The following PCDHB14 variants were observed in gnomAD, a reference collection of about 807,000 sequenced individuals.
PCDHB14 encodes protocadherin beta 14.
For missense variants in PCDHB14, 1,129 were observed against 1,000.5 expected (o/e 1.13, Z -1.73); for synonymous variants, 511 against 441.5 (o/e 1.16, Z -1.97).
Position 141,225,897 on chromosome 5 carries a change from C to T in PCDHB14, c.2392C>T (p.Gln798Ter), listed in dbSNP as rs1754851087. Residue 798 changes from glutamine to a stop codon, truncating the protein, a stop_gained, in exon 1 of 1, where the codon CAA (glutamine) becomes TAA (stop). Transcript: ENST00000239449. LOFTEE classifies it high-confidence loss of function. ...TCGAAATAGCTTTGGACTTAACATT[C>T]AATAAAACAATTTATTTTAAATGTC... ...NFRNSFGLNI[Q>*] 1.3e-6 allele frequency: 2 copies of T among 1,594,714 alleles called. No individual in the cohort carries two copies. Among genetic ancestry groups the T allele is most frequent in the Non-Finnish European group, 1.7e-6 (2 of 1,170,502 alleles).
rs1554288947 is a variant in PCDHB14, at chr5:141,223,423, G to T, written c.-83G>T. ...CTGCTGGAGGATACACTCTCCAGGG[G>T]GTTCCTGTTAAAAACCAGAGCTTCA... On this transcript the variant is annotated 5_prime_UTR_variant, in exon 1 of 1. Coordinates refer to ENST00000239449, the MANE Select transcript of PCDHB14 (RefSeq NM_018934.4). 6.2e-6 allele frequency: 6 copies of T among 970,558 alleles called. No homozygotes were observed. The highest frequency in any genetic ancestry group is 4.4e-5 in the Admixed American group (2 of 45,970). The allele number at this position is 970,558 out of a possible 1,614,324, so 60.1% of individuals were successfully genotyped here. A position where few individuals can be genotyped will look rare whatever the true frequency, so the allele number is the denominator to read the frequency against.
chr5:141,225,725 C>T lies in PCDHB14; in HGVS notation c.2220C>T (p.Ser740=), dbSNP rs782503262. The change falls in exon 1 of 1, where the codon AGC becomes AGT. Residue 740 remains serine (S), a synonymous_variant. Coordinates refer to ENST00000239449, the MANE Select transcript of PCDHB14 (RefSeq NM_018934.4). ...GPFPGHLVDV[S]GTGTLSQSYQ... ...TTCCAGGGCATCTGGTGGACGTGAG[C>T]GGCACCGGGACCCTGTCCCAGAGCT... 4 of 1,614,072 alleles carry T rather than the reference C, an allele frequency of 2.5e-6. No individual in the cohort carries two copies. Among genetic ancestry groups the T allele is most frequent in the African/African-American group, 1.3e-5 (1 of 74,936 alleles).
chr5:141,224,911 A>T lies in PCDHB14; in HGVS notation c.1406A>T (p.His469Leu), dbSNP rs1554289276. Residue 469 changes from histidine to leucine, a missense_variant, in exon 1 of 1, where the codon CAC (histidine) becomes CTC (leucine). Physicochemically the swap from His to Leu is moderately conservative, Grantham distance 99. Coordinates refer to ENST00000239449, the MANE Select transcript of PCDHB14 (RefSeq NM_018934.4). Reference protein sequence around the residue: ...FVRENNSPALHIGSVSATDRD... With the variant: ...FVRENNSPALLIGSVSATDRD... The stretch of plus-strand genomic sequence containing the variant: ...CGCGAGAACAACAGCCCCGCCCTGC[A>T]CATCGGCAGCGTCAGCGCCACAGAC... 1 of 1,613,046 alleles carries T rather than the reference A, an allele frequency of 6.2e-7. No individual in the cohort carries two copies. The highest frequency in any genetic ancestry group is 1.1e-5 in the South Asian group (1 of 91,012).
Position 141,224,276 on chromosome 5 carries a change from T to C in PCDHB14, c.771T>C (p.Leu257=). 2 of 1,614,072 alleles carry C rather than the reference T, an allele frequency of 1.2e-6. No individual in the cohort carries two copies. Among genetic ancestry groups the C allele is most frequent in the Non-Finnish European group, 1.7e-6 (2 of 1,179,968 alleles). The change falls in exon 1 of 1, where the codon CTT becomes CTC. Residue 257 remains leucine (L), a synonymous_variant. Coordinates refer to ENST00000239449, the MANE Select transcript of PCDHB14 (RefSeq NM_018934.4). The part of the protein sequence containing the change: ...YEVQVPEDRP[L]GSWIATISAK... The stretch of plus-strand genomic sequence containing the variant: ...TGCAAGTCCCCGAGGACAGACCCCT[T>C]GGCTCCTGGATTGCCACCATCTCAG...
Position 141,227,249 on chromosome 5 carries a change from A to G in PCDHB14, c.*1347A>G, listed in dbSNP as rs782796009. The G allele has an allele frequency of 2.6e-5, 4 of 152,366 alleles. No individual in the cohort carries two copies. The highest frequency in any genetic ancestry group is 6.5e-5 in the Admixed American group (1 of 15,312). 9.4% of individuals were successfully genotyped at this position (152,366 alleles called of 1,614,324 possible). ...AATAGCCTTCCATCAGATGAGTACA[A>G]AGCAAGAACTTCATAAGAAATTGAA... On this transcript the variant is annotated 3_prime_UTR_variant, in exon 1 of 1. Coordinates refer to ENST00000239449, the MANE Select transcript of PCDHB14 (RefSeq NM_018934.4).
Position 141,225,863 on chromosome 5 carries a change from C to T in PCDHB14, c.2358C>T (p.Ile786=), listed in dbSNP as rs781875856. The part of the protein sequence containing the change: ...VHDTGRNMGE[I]ENFRNSFGLN... ...ACACTGGTAGGAATATGGGGGAAATCGAGAACTTTCGAAATAGCTTTGGAC... is the reference window on the plus strand; with the variant it reads ...ACACTGGTAGGAATATGGGGGAAATTGAGAACTTTCGAAATAGCTTTGGAC... The change falls in exon 1 of 1, where the codon ATC becomes ATT. Residue 786 remains isoleucine, a synonymous_variant. Coordinates refer to ENST00000239449, the MANE Select transcript of PCDHB14 (RefSeq NM_018934.4). 1.2e-6 allele frequency: 2 copies of T among 1,613,856 alleles called. No homozygotes were observed. Among genetic ancestry groups the T allele is most frequent in the African/African-American group, 2.7e-5 (2 of 75,042 alleles).
In PCDHB14 at chr5:141,226,753, G is replaced by T. The variant is rs1453342955; in HGVS notation, c.*851G>T. 2.0e-5 allele frequency: 3 copies of T among 151,968 alleles called. No individual in the cohort carries two copies. The highest frequency in any genetic ancestry group is 2.9e-5 in the Non-Finnish European group (2 of 67,982). 9.4% of individuals were successfully genotyped at this position (151,968 alleles called of 1,614,324 possible). A position where few individuals can be genotyped will look rare whatever the true frequency, so the allele number is the denominator to read the frequency against. ...TGGCTAATTCTTTTGTATTTTTTTT[G>T]TACAGATGGAATCTTGCCATGTTTC... On this transcript the variant is annotated 3_prime_UTR_variant, in exon 1 of 1. Coordinates refer to ENST00000239449, the MANE Select transcript of PCDHB14 (RefSeq NM_018934.4).
Position 141,225,818 on chromosome 5 carries a change from C to T in PCDHB14, c.2313C>T (p.Ile771=), listed in dbSNP as rs138735239. ...TNEFKFLKPI[I]PNFQVHDTGR... Reference sequence around the variant, plus strand: ...AGTTCAAATTTCTGAAGCCGATTATCCCCAATTTTCAAGTTCATGACACTG... The same window carrying T: ...AGTTCAAATTTCTGAAGCCGATTATTCCCAATTTTCAAGTTCATGACACTG... Residue 771 remains isoleucine (I), a synonymous_variant, in exon 1 of 1, where the codon ATC becomes ATT. Coordinates refer to ENST00000239449, the MANE Select transcript of PCDHB14 (RefSeq NM_018934.4). The T allele has an allele frequency of 9.5e-5, 153 of 1,614,188 alleles. 1 individual carries two copies. In the East Asian group the frequency reaches 2.8e-3, roughly 29 times the overall value.
Position 141,224,156 on chromosome 5 carries a change from T to C in PCDHB14, c.651T>C (p.Gly217=). ...GATTAACACTCACAGCAGTGGATGG[T>C]GGATCCCCGCCCAAGTCTGGGACAA... ...ELRLTLTAVD[G]GSPPKSGTTL... is the part of the protein sequence containing the mutation. The change falls in exon 1 of 1, where the codon GGT becomes GGC. Residue 217 remains glycine (G), a synonymous_variant. Coordinates refer to ENST00000239449, the MANE Select transcript of PCDHB14 (RefSeq NM_018934.4). 1.9e-6 allele frequency: 3 copies of C among 1,614,032 alleles called. No homozygotes were observed. Among genetic ancestry groups the C allele is most frequent in the Non-Finnish European group, 2.5e-6 (3 of 1,180,034 alleles).
chr5:141,223,784 C>T lies in PCDHB14; in HGVS notation c.279C>T (p.Asp93=), dbSNP rs1476179647. 1.2e-6 allele frequency: 2 copies of T among 1,613,756 alleles called. No individual in the cohort carries two copies. The highest frequency in any genetic ancestry group is 2.2e-5 in the East Asian group (1 of 44,872). ...TCCTAAATGAGAAACTAGACCGAGA[C>T]GAGCTGTGTGGCTCCACCGAGCCCT... ...NLLLNEKLDR[D]ELCGSTEPCV... The change falls in exon 1 of 1, where the codon GAC becomes GAT. Residue 93 remains aspartate (D), a synonymous_variant. Coordinates refer to ENST00000239449, the MANE Select transcript of PCDHB14 (RefSeq NM_018934.4).
chr5:141,224,964 A>C lies in PCDHB14; in HGVS notation c.1459A>C (p.Asn487His). 1 of 1,612,614 alleles carries C rather than the reference A, an allele frequency of 6.2e-7. No homozygotes were observed. Residue 487 changes from asparagine to histidine, a missense_variant, in exon 1 of 1, where the codon AAC (asparagine) becomes CAC (histidine). Coordinates refer to ENST00000239449, the MANE Select transcript of PCDHB14 (RefSeq NM_018934.4). ...AGACTCAGGCACCAACGCCCAGGTC[A>C]ACTACTCGCTGCTGCCGCCCCAGGA... is the stretch of plus-strand genomic sequence containing the variant. ...DRDSGTNAQV[N>H]YSLLPPQDRH...
Position 141,225,228 on chromosome 5 carries a change from C to T in PCDHB14, c.1723C>T (p.Leu575=), listed in dbSNP as rs781865153. Residue 575 remains leucine (L), a synonymous_variant, in exon 1 of 1, where the codon CTG becomes TTG. Coordinates refer to ENST00000239449, the MANE Select transcript of PCDHB14 (RefSeq NM_018934.4). ...GAACGGCTCCGCGCCCTGCACCGAG[C>T]TGGTGCCCCGGGCGGCCGAGCCGGG... ...LQNGSAPCTE[L]VPRAAEPGYL... The T allele has an allele frequency of 1.2e-6, 2 of 1,602,590 alleles. No individual in the cohort carries two copies. Among genetic ancestry groups the T allele is most frequent in the South Asian group, 1.1e-5 (1 of 90,816 alleles).
chr5:141,225,303 G>T lies in PCDHB14; in HGVS notation c.1798G>T (p.Ala600Ser). The T allele has an allele frequency of 1.3e-6, 2 of 1,599,328 alleles. No homozygotes were observed. The highest frequency in any genetic ancestry group is 1.7e-6 in the Non-Finnish European group (2 of 1,178,054). The change falls in exon 1 of 1, where the codon GCC becomes TCC. Residue 600 changes from alanine (A) to serine (S), a missense_variant. Coordinates refer to ENST00000239449, the MANE Select transcript of PCDHB14 (RefSeq NM_018934.4). ...VAVDGDSGQN[A>S]WLSYQLLKAT... is the part of the protein sequence containing the mutation. ...GGTGGACGGCGACTCGGGCCAGAACGCCTGGCTGTCGTACCAGCTGCTCAA... is the reference window on the plus strand; with the variant it reads ...GGTGGACGGCGACTCGGGCCAGAACTCCTGGCTGTCGTACCAGCTGCTCAA...
At position 141,224,281 on chromosome 5, in the gene PCDHB14, C is replaced by A; in HGVS notation, c.776C>A (p.Ser259Tyr). 1 of 1,614,024 alleles carries A rather than the reference C, an allele frequency of 6.2e-7. No individual in the cohort carries two copies. The highest frequency in any genetic ancestry group is 1.1e-5 in the South Asian group (1 of 91,042). ...VQVPEDRPLGSWIATISAKDL... is the reference protein window; with the variant it reads ...VQVPEDRPLGYWIATISAKDL... ...GTCCCCGAGGACAGACCCCTTGGCT[C>A]CTGGATTGCCACCATCTCAGCTAAG... The change falls in exon 1 of 1, where the codon TCC becomes TAC. Residue 259 changes from serine to tyrosine, a missense_variant. Physicochemically the swap from Ser to Tyr is moderately radical, Grantham distance 144 (BLOSUM62 -2). Coordinates refer to ENST00000239449, the MANE Select transcript of PCDHB14 (RefSeq NM_018934.4).
chr5:141,224,447 C>A lies in PCDHB14; in HGVS notation c.942C>A (p.Ser314=). 1 of 1,611,034 alleles carries A rather than the reference C, an allele frequency of 6.2e-7. No individual in the cohort carries two copies. ...CCCTGGATTTTGAAGTAATACAGTC[C>A]TACACTATAAATATTCAGGCAACAG... is the stretch of plus-strand genomic sequence containing the variant. ...RSPLDFEVIQ[S]YTINIQATDG... is the part of the protein sequence containing the mutation. Residue 314 remains serine (S), a synonymous_variant, in exon 1 of 1, where the codon TCC becomes TCA. Coordinates refer to ENST00000239449, the MANE Select transcript of PCDHB14 (RefSeq NM_018934.4).
At position 141,225,751 on chromosome 5, in the gene PCDHB14, A is replaced by G. The variant is rs138393833; in HGVS notation, c.2246A>G (p.Tyr749Cys). ...GGCACCGGGACCCTGTCCCAGAGCTACCAATACGAGGTGTGTCTGACAGGA... is the reference window on the plus strand; with the variant it reads ...GGCACCGGGACCCTGTCCCAGAGCTGCCAATACGAGGTGTGTCTGACAGGA... ...VSGTGTLSQS[Y>C]QYEVCLTGGS... Residue 749 changes from tyrosine to cysteine, a missense_variant, in exon 1 of 1, where the codon TAC (tyrosine) becomes TGC (cysteine). Tyr to Cys is a radical substitution (Grantham distance 194). Coordinates refer to ENST00000239449, the MANE Select transcript of PCDHB14 (RefSeq NM_018934.4). The G allele has an allele frequency of 2.4e-5, 39 of 1,614,068 alleles. No homozygotes were observed. The highest frequency in any genetic ancestry group is 3.1e-5 in the Non-Finnish European group (36 of 1,180,036).
chr5:141,224,888 C>T lies in PCDHB14; in HGVS notation c.1383C>T (p.Arg461=). The T allele has an allele frequency of 6.2e-7, 1 of 1,613,370 alleles. No homozygotes were observed. The highest frequency in any genetic ancestry group is 8.5e-7 in the Non-Finnish European group (1 of 1,180,042). ...FTQTSYTLFV[R]ENNSPALHIG... ...AAACCTCCTACACCCTGTTCGTCCGCGAGAACAACAGCCCCGCCCTGCACA... is the reference window on the plus strand; with the variant it reads ...AAACCTCCTACACCCTGTTCGTCCGTGAGAACAACAGCCCCGCCCTGCACA... Residue 461 remains arginine (R), a synonymous_variant, in exon 1 of 1, where the codon CGC becomes CGT. Coordinates refer to ENST00000239449, the MANE Select transcript of PCDHB14 (RefSeq NM_018934.4).
Position 141,227,040 on chromosome 5 carries a change from C to T in PCDHB14, c.*1138C>T, listed in dbSNP as rs974523665. 22 of 152,320 alleles carry T rather than the reference C, an allele frequency of 1.4e-4. No individual in the cohort carries two copies. Among genetic ancestry groups the T allele is most frequent in the African/African-American group, 5.3e-4 (22 of 41,548 alleles). 9.4% of individuals were successfully genotyped at this position (152,320 alleles called of 1,614,324 possible). On this transcript the variant is annotated 3_prime_UTR_variant, in exon 1 of 1. Transcript: ENST00000239449. ...AGAGATGGAGTTTTGCCATGTGGCC[C>T]AGGCTAGTCTCGAACTCCTGAACTC...
chr5:141,224,675 T>C lies in PCDHB14; in HGVS notation c.1170T>C (p.Pro390=). The change falls in exon 1 of 1, where the codon CCT becomes CCC. Residue 390 remains proline, a synonymous_variant. Coordinates refer to ENST00000239449, the MANE Select transcript of PCDHB14 (RefSeq NM_018934.4). ...TTTGCTCTATTCAAGATAACCTCCC[T>C]TTTTTCCTGAAACCGACCTTCAAGA... ...RMICSIQDNL[P]FFLKPTFKNF... 6.2e-7 allele frequency: 1 copy of C among 1,614,120 alleles called. No individual in the cohort carries two copies. Among genetic ancestry groups the C allele is most frequent in the South Asian group, 1.1e-5 (1 of 91,076 alleles).
Sources: gnomAD v4.1 joint callset for allele counts on GRCh38, gnomAD v4.1.1 for gene constraint, MANE v1.5 for transcripts, NCBI Gene and HGNC (gene_info 2026-07-23, HGNC 2026-07-21) for gene names.